The following BMF variants were observed in gnomAD, a reference collection of about 807,000 sequenced individuals.
BMF encodes Bcl2 modifying factor, also known as bcl-2-modifying factor.
In BMF, 10 loss-of-function variants were observed where a neutral mutation model predicts 22.0. The ratio of observed to expected loss-of-function variants is 0.45; its 90% CI spans 0.28 to 0.77. The LOEUF is 0.77. Ranked by LOEUF, BMF falls within the 30% of genes least tolerant of loss-of-function variation. The pLI is 0.13. For synonymous variants in BMF, 87 were observed against 88.1 expected (o/e 0.99, Z 0.07); for missense variants, 206 against 226.8 (o/e 0.91, Z 0.59).
chr15:40,104,481 G>T, intron 3 of BMF, 141 bp from the exon 4 acceptor site: 1 of 1,089,456 alleles, frequency 9.2e-7, no homozygotes, highest in Non-Finnish European at 1.3e-6. Flanking sequence ...CTCTATTGGA[G>T]CACTCTGCCA....
rs2141057728 is a variant in BMF at position 40,105,859 on chromosome 15, G to A, written c.228C>T (p.Ala76=). 1.9e-6 allele frequency: 3 copies of A among 1,614,164 alleles called. No homozygotes were observed. The highest frequency in any genetic ancestry group is 2.2e-5 in the South Asian group (2 of 91,078). ...GCAGCATGACACCTTGGCTGGGGGA[G>A]GCTGGGCTGAGAGTCTGGGTAGCTT... ...EDKATQTLSP[A]SPSQGVMLPC... Residue 76 remains alanine, a synonymous_variant, in exon 3 of 5, where the codon GCC becomes GCT. Coordinates refer to ENST00000354670, the MANE Select transcript of BMF (RefSeq NM_001003940.2).
chr15:40,094,263 C>T (rs2036309050), intron 4 of BMF, among the ~76,000 whole-genome samples: 1 of 152,200 alleles, frequency 6.6e-6, no homozygotes, highest in Admixed American at 6.5e-5. Flanking sequence ...CACAGACTCC[C>T]ATCATCTGGG....
At chr15:40,104,684 A>G (rs2036548318) in intron 3 of BMF, among the ~76,000 whole-genome samples, 1 of 152,236 alleles carries the variant, frequency 6.6e-6, no homozygotes, top group African/African-American at 2.4e-5. Context: ...TTCACGTAGT[A>G]GCAGGTTGAA....
intron 4 of BMF, among the ~76,000 whole-genome samples, 171 bp from the exon 5 acceptor site, chr15:40,092,059 TGGA>T (rs1184111765): frequency 6.6e-6 from 1 of 152,200 alleles, no homozygotes; most frequent in East Asian, 1.9e-4. Flanking sequence ...CACTGCCATG[TGGA>T]GGAGAGAGTT....
intron 4 of BMF, among the ~76,000 whole-genome samples, chr15:40,100,972 G>C (rs2036464844): frequency 6.6e-6 from 1 of 152,198 alleles, no homozygotes; most frequent in South Asian, 2.1e-4. Context: ...CCCAGATGTA[G>C]GGGAAAGGTG....
At chr15:40,092,768 A>G (rs1382010948) in intron 4 of BMF, among the ~76,000 whole-genome samples, 3 of 151,270 alleles carry the variant, frequency 2.0e-5, no homozygotes, top group African/African-American at 7.3e-5. Context: ...CACAGGTACC[A>G]TTTCCCAGGA....
chr15:40,092,442 C>G (rs1489968510), intron 4 of BMF, among the ~76,000 whole-genome samples: 2 of 146,346 alleles, frequency 1.4e-5, no homozygotes, highest in African/African-American at 5.2e-5. Flanking sequence ...CAAACACGCA[C>G]ACACACAGAC....
rs1341616492 is a variant in BMF, at chr15:40,089,183, T to TG, written c.*2603dup. 1 of 109,006 alleles carries TG rather than the reference T, an allele frequency of 9.2e-6. No homozygotes were observed. The highest frequency in any genetic ancestry group is 2.1e-5 in the Non-Finnish European group (1 of 47,526). The allele number at this position is 109,006 out of a possible 1,614,324, so 6.8% of individuals were successfully genotyped here. The stretch of plus-strand genomic sequence containing the variant: ...CTAGAGACAGCCAGGCTCCTGGGGG[T>TG]GGGGGATGGAGTCTGAGGGGGTGGA... On this transcript the variant is annotated 3_prime_UTR_variant, in exon 5 of 5. Coordinates refer to ENST00000354670, the MANE Select transcript of BMF (RefSeq NM_001003940.2).
intron 4 of BMF, among the ~76,000 whole-genome samples, chr15:40,095,327 C>T (rs933022406): frequency 6.6e-6 from 1 of 152,166 alleles, no homozygotes; most frequent in African/African-American, 2.4e-5. Context: ...AGAAAAAAGA[C>T]TTGAAGGGAG....
At chr15:40,100,942 G>A (rs1170813527) in intron 4 of BMF, among the ~76,000 whole-genome samples, 2 of 152,210 alleles carry the variant, frequency 1.3e-5, no homozygotes, top group Non-Finnish European at 2.9e-5. Context: ...AGTGGCCACT[G>A]TCTAGCCCCA....
rs567731460 is a variant in BMF, at chr15:40,106,254, A to G, written c.-5-163T>C. On this transcript the variant is annotated intron_variant, in intron 2 of 4. Transcript: ENST00000354670. The surrounding 1 kb of genome is among the most constrained non-coding windows in gnomAD (Gnocchi z 4.1). ...TGGTAATAAAGCACTGCTAAGGGTGACATTCACTCCCCAAATGTGGACTGC... is the reference window on the plus strand; with the variant it reads ...TGGTAATAAAGCACTGCTAAGGGTGGCATTCACTCCCCAAATGTGGACTGC... 5 of 774,458 alleles carry G rather than the reference A, an allele frequency of 6.5e-6. No homozygotes were observed. In the African/African-American group the frequency reaches 8.8e-5, roughly 14 times the overall value. The allele number at this position is 774,458 out of a possible 1,614,324, so 48.0% of individuals were successfully genotyped here.
intron 4 of BMF, among the ~76,000 whole-genome samples, chr15:40,092,632 C>T (rs553408810): frequency 7.2e-5 from 11 of 152,128 alleles, no homozygotes; most frequent in Non-Finnish European, 1.3e-4. Flanking sequence ...TACTTGAAAA[C>T]AAAACAAAAA....
chr15:40,106,202 G>A lies in BMF; in HGVS notation c.-5-111C>T, dbSNP rs985134104. On this transcript the variant is annotated intron_variant, in intron 2 of 4. Coordinates refer to ENST00000354670, the MANE Select transcript of BMF (RefSeq NM_001003940.2). The surrounding 1 kb of genome is among the most constrained non-coding windows in gnomAD (Gnocchi z 4.1). ...CTCCCCCTTCTTATTTGAGCTGGCC[G>A]GACCACATACTGATGACATACAACC... 24 of 1,244,574 alleles carry A rather than the reference G, an allele frequency of 1.9e-5. No homozygotes were observed. Among genetic ancestry groups the A allele is most frequent in the South Asian group, 7.7e-5 (5 of 64,674 alleles). 77.1% of individuals were successfully genotyped at this position (1,244,574 alleles called of 1,614,324 possible).
In BMF at chr15:40,099,169, A is replaced by C. The variant is rs544415337; in HGVS notation, c.453+5011T>G. Among the ~76,000 whole-genome samples the C allele has an allele frequency of 1.5e-4, 23 of 152,332 alleles. No individual in the cohort carries two copies. In the East Asian group the frequency reaches 4.3e-3, roughly 28 times the overall value. On this transcript the variant is annotated intron_variant, in intron 4 of 4. Coordinates refer to ENST00000354670, the MANE Select transcript of BMF (RefSeq NM_001003940.2). ...GTCCCATCTAGACGCTGAGCAACCTAGTTAGCCAGCTTAAGTTCCAGAAAA... is the reference window on the plus strand; with the variant it reads ...GTCCCATCTAGACGCTGAGCAACCTCGTTAGCCAGCTTAAGTTCCAGAAAA...
At chr15:40,102,601 A>T (rs1458769701) in intron 4 of BMF, among the ~76,000 whole-genome samples, 2 of 152,058 alleles carry the variant, frequency 1.3e-5, no homozygotes, top group Non-Finnish European at 2.9e-5. Flanking sequence ...TCTGGGGAAT[A>T]ACTGGTGAAA....
At chr15:40,097,187 C>T (rs62018156) in intron 4 of BMF, among the ~76,000 whole-genome samples, 3 of 1,774 alleles carry the variant, frequency 1.7e-3, no homozygotes, top group African/African-American at 4.3e-3. Context: ...AACTGAGCTA[C>T]CAAGCACCCA....
chr15:40,104,367 A>G (rs777529517), intron 3 of BMF, 27 bp from the exon 4 acceptor site: 2 of 1,612,360 alleles, frequency 1.2e-6, no homozygotes, highest in East Asian at 4.5e-5. Flanking sequence ...TCCACATCTC[A>G]GCATTCTCCA....
rs2036629559 is a variant in BMF at position 40,108,287 on chromosome 15, C to T, written c.-34G>A. The T allele has an allele frequency of 6.5e-6, 1 of 152,850 alleles. No homozygotes were observed. Among genetic ancestry groups the T allele is most frequent in the Non-Finnish European group, 1.5e-5 (1 of 68,350 alleles). The allele number at this position is 152,850 out of a possible 1,614,324, so 9.5% of individuals were successfully genotyped here. A position where few individuals can be genotyped will look rare whatever the true frequency, so the allele number is the denominator to read the frequency against. ...GGTGACTCCAGGAGAGAGTCTCGGC[C>T]TCCGAGTCGTGATGCCAGGGCTCCG... On this transcript the variant is annotated 5_prime_UTR_variant, in exon 2 of 5. Transcript: ENST00000354670.
intron 4 of BMF, among the ~76,000 whole-genome samples, chr15:40,102,971 A>C (rs1394190294): frequency 6.6e-6 from 1 of 152,206 alleles, no homozygotes; most frequent in Non-Finnish European, 1.5e-5. Context: ...CCAGGCCCAG[A>C]CCTGGCCCCA....
Sources: allele counts gnomAD v4.1 joint callset (sites outside exome capture counted in the v4.1 genomes callset), GRCh38; gene constraint gnomAD v4.1.1; non-coding constraint Gnocchi (gnomAD v3.1); transcripts MANE v1.5; gene names NCBI Gene and HGNC (gene_info 2026-07-23, HGNC 2026-07-21).